The following PAM variants were observed in gnomAD, a reference collection of about 807,000 sequenced individuals.
PAM encodes the protein peptidylglycine alpha-amidating monooxygenase.
In PAM, 72 loss-of-function variants were observed where a neutral mutation model predicts 122.1. That is an observed-to-expected ratio of 0.59 (90% CI 0.49 to 0.72). The LOEUF (loss-of-function observed/expected upper bound fraction) is 0.72, where lower values mean the gene tolerates loss of function less well. PAM is among the 30% of genes least tolerant of loss of function. The pLI, the probability that PAM is intolerant of heterozygous loss-of-function variation, is 0.00. For synonymous variants in PAM, 389 were observed against 404.4 expected (o/e 0.96, Z 0.46); for missense variants, 1,106 against 1,183.7 (o/e 0.93, Z 0.96).
At chr5:102,911,828 T>G (rs530713768) in intron 4 of PAM, among the ~76,000 whole-genome samples, 125 of 152,084 alleles carry the variant, frequency 8.2e-4, no homozygotes, top group African/African-American at 2.8e-3. Flanking sequence ...TGCATTAGTA[T>G]AAAAAAGATA....
intron 7 of PAM, among the ~76,000 whole-genome samples, chr5:102,942,532 G>T (rs1755607029): frequency 6.6e-6 from 1 of 151,890 alleles, no homozygotes; most frequent in South Asian, 2.1e-4. Context: ...GAACACTCTG[G>T]GAGGGTGGGA....
chr5:102,901,304 C>A (rs566228479), intron 3 of PAM, 52 bp from the exon 4 acceptor site: 1 of 1,052,464 alleles, frequency 9.5e-7, no homozygotes, highest in Admixed American at 1.9e-5. Context: ...GTTATTATTT[C>A]TTCCTTACTA....
intron 1 of PAM, among the ~76,000 whole-genome samples, chr5:102,772,051 C>T (rs1276470429): frequency 2.0e-5 from 3 of 152,066 alleles, no homozygotes; most frequent in Non-Finnish European, 2.9e-5. Context: ...ATAATAGCTG[C>T]GTGACCTTGG....
chr5:103,025,495 C>A, intron 24 of PAM, 161 bp downstream of exon 24: 2 of 666,086 alleles, frequency 3.0e-6, no homozygotes, highest in Non-Finnish European at 5.4e-6. Context: ...CCAAATATTG[C>A]CCCTAGTTAA....
At chr5:102,983,859 G>A (rs571375923) in intron 15 of PAM, among the ~76,000 whole-genome samples, 1 of 152,184 alleles carries the variant, frequency 6.6e-6, no homozygotes, top group Non-Finnish European at 1.5e-5. Flanking sequence ...AAACCTTACA[G>A]ATCGGGAGAC....
At position 102,849,167 on chromosome 5, in the gene PAM, A is replaced by G. The variant is rs148126078; in HGVS notation, c.-373-16656A>G. On this transcript the variant is annotated intron_variant, in intron 1 of 25. Transcript: ENST00000438793. Reference sequence around the variant, plus strand: ...GGGGGAAAGGATTGTCATTATATAAACCCCTATCCACCCAAACACAATCAT... The same window carrying G: ...GGGGGAAAGGATTGTCATTATATAAGCCCCTATCCACCCAAACACAATCAT... 1.2e-4 allele frequency among the ~76,000 whole-genome samples: 18 copies of G among 152,224 alleles called. 1 individual carries two copies. The East Asian group carries it at 3.5e-3, about 29-fold the overall frequency.
intron 1 of PAM, among the ~76,000 whole-genome samples, chr5:102,832,827 G>A (rs955264222): frequency 2.6e-5 from 4 of 152,156 alleles, no homozygotes; most frequent in Non-Finnish European, 5.9e-5. Flanking sequence ...ACAAAATGGA[G>A]AGCAGAACAG....
At chr5:102,773,063 G>C (rs563119359) in intron 1 of PAM, among the ~76,000 whole-genome samples, 20 of 152,144 alleles carry the variant, frequency 1.3e-4, no homozygotes, top group African/African-American at 4.6e-4. Flanking sequence ...TTACTTCCTT[G>C]GGAGTCAAGA....
At chr5:103,023,326 G>A (rs903449101) in intron 23 of PAM, among the ~76,000 whole-genome samples, 55 of 151,996 alleles carry the variant, frequency 3.6e-4, no homozygotes, top group Non-Finnish European at 7.5e-4. Context: ...AACTACTCTG[G>A]TAATACCCAC....
intron 20 of PAM, among the ~76,000 whole-genome samples, chr5:103,007,905 T>C (rs1412722133): frequency 1.3e-5 from 2 of 152,122 alleles, no homozygotes; most frequent in African/African-American, 2.4e-5. Flanking sequence ...TTCCCAAACA[T>C]TGATTTTCAT....
At chr5:102,788,192 C>G (rs1181065060) in intron 1 of PAM, among the ~76,000 whole-genome samples, 1 of 151,888 alleles carries the variant, frequency 6.6e-6, no homozygotes, top group African/African-American at 2.4e-5. Context: ...TTAACCACAG[C>G]CTGCTTTGAA....
intron 1 of PAM, among the ~76,000 whole-genome samples, chr5:102,841,562 A>T (rs1778642551): frequency 6.6e-6 from 1 of 152,148 alleles, no homozygotes; most frequent in African/African-American, 2.4e-5. Context: ...GAGAGGCATT[A>T]ATTTTAATGC....
chr5:102,994,087 A>G (rs1774962288), intron 16 of PAM, among the ~76,000 whole-genome samples: 1 of 152,106 alleles, frequency 6.6e-6, no homozygotes, highest in Admixed American at 6.6e-5. Flanking sequence ...AACAATAAAC[A>G]TGTACTCCCA....
intron 1 of PAM, among the ~76,000 whole-genome samples, chr5:102,806,331 A>G (rs1187541420): frequency 1.3e-5 from 2 of 152,238 alleles, no homozygotes; most frequent in African/African-American, 4.8e-5. Context: ...TTGCAAGCCC[A>G]GAACAGAGTT....
intron 1 of PAM, among the ~76,000 whole-genome samples, chr5:102,777,981 A>G (rs1416420294): frequency 1.3e-5 from 2 of 152,164 alleles, no homozygotes; most frequent in Non-Finnish European, 2.9e-5. Flanking sequence ...GAGACCTGCG[A>G]TCATTCCTTC....
intron 3 of PAM, among the ~76,000 whole-genome samples, chr5:102,899,363 C>T (rs1308250178): frequency 1.3e-5 from 2 of 151,382 alleles, no homozygotes; most frequent in African/African-American, 4.8e-5. Context: ...AATCAAGAAC[C>T]AACTTGCTGA....
At chr5:102,909,556 C>T (rs1022165171) in intron 4 of PAM, among the ~76,000 whole-genome samples, 3 of 151,608 alleles carry the variant, frequency 2.0e-5, no homozygotes, top group African/African-American at 4.8e-5. Context: ...GTAATTCGCC[C>T]GTGAAACCTT....
chr5:102,840,834 C>T (rs908949344), intron 1 of PAM, among the ~76,000 whole-genome samples: 7 of 152,014 alleles, frequency 4.6e-5, no homozygotes, highest in South Asian at 2.1e-4. Context: ...CACATGGCTT[C>T]GTATATCTGC....
intron 6 of PAM, 140 bp downstream of exon 6, chr5:102,925,182 CTT>C: frequency 1.6e-6 from 1 of 622,534 alleles, no homozygotes; most frequent in Non-Finnish European, 2.9e-6. Flanking sequence ...TGCATTACCT[CTT>C]TTGTATTGAA....
Sources: gnomAD v4.1 joint callset for allele counts (sites outside exome capture counted in the v4.1 genomes callset) on GRCh38, gnomAD v4.1.1 for gene constraint, MANE v1.5 for transcripts, NCBI Gene and HGNC (gene_info 2026-07-23, HGNC 2026-07-21) for gene names.